Variants in ZFP64 observed in about 807,000 individuals in gnomAD.
ZFP64 encodes the protein zinc finger protein 64.
Under a neutral mutation model 51.6 loss-of-function variants are expected in ZFP64, and 14 were observed. The ratio of observed to expected loss-of-function variants is 0.27; its 90% CI spans 0.18 to 0.42. The LOEUF (loss-of-function observed/expected upper bound fraction) is 0.42. Ranked by LOEUF, ZFP64 falls within the 10% of genes least tolerant of loss-of-function variation. The pLI is 1.00. For missense variants in ZFP64, 754 were observed against 906.8 expected (o/e 0.83, Z 2.16); for synonymous variants, 375 against 361.4 (o/e 1.04, Z -0.43).
At chr20:52,185,572 C>T (rs1983900934) in intron 2 of ZFP64, among the ~76,000 whole-genome samples, 1 of 137,868 alleles carries the variant, frequency 7.3e-6, no homozygotes, top group Non-Finnish European at 1.5e-5. Context: ...GACCTTTCCA[C>T]TTTGCACTTT....
intron 5 of ZFP64, among the ~76,000 whole-genome samples, chr20:52,154,988 G>T (rs1981186421): frequency 6.6e-6 from 1 of 152,054 alleles, no homozygotes; most frequent in Non-Finnish European, 1.5e-5. Flanking sequence ...TGGCAGTTTA[G>T]TGAAGTCCAT....
intron 7 of ZFP64, among the ~76,000 whole-genome samples, chr20:52,091,930 C>A (rs1405712103): frequency 1.3e-5 from 2 of 151,690 alleles, no homozygotes; most frequent in Non-Finnish European, 2.9e-5. Context: ...GTGGAGGTTG[C>A]GGTGAGCCAA....
At chr20:52,087,510 C>G (rs1217208822) in intron 8 of ZFP64, among the ~76,000 whole-genome samples, 1 of 152,214 alleles carries the variant, frequency 6.6e-6, no homozygotes, top group Non-Finnish European at 1.5e-5. Flanking sequence ...GAAAATTACC[C>G]AAGTACTCTT....
At position 52,097,088 on chromosome 20, in the gene ZFP64, T is replaced by C. The variant is rs750594961; in HGVS notation, c.976+285A>G. 3 of 718,374 alleles carry C rather than the reference T, an allele frequency of 4.2e-6. No individual in the cohort carries two copies. In the Admixed American group the frequency reaches 5.3e-5, roughly 13 times the overall value. 44.5% of individuals were successfully genotyped at this position (718,374 alleles called of 1,614,324 possible). A position where few individuals can be genotyped will look rare whatever the true frequency, so the allele number is the denominator to read the frequency against. On this transcript the variant is annotated intron_variant, in intron 7 of 8. Transcript: ENST00000361387. Reference sequence around the variant, plus strand: ...ACTCCTTTGCTTCAGCAGGTCTTATTTCTCTTCTCAGCAGCTGGCTGCCCT... The same window carrying C: ...ACTCCTTTGCTTCAGCAGGTCTTATCTCTCTTCTCAGCAGCTGGCTGCCCT...
intron 5 of ZFP64, among the ~76,000 whole-genome samples, chr20:52,136,558 G>T (rs1271478561): frequency 6.6e-6 from 1 of 152,086 alleles, no homozygotes; most frequent in Non-Finnish European, 1.5e-5. Flanking sequence ...AAAAGAATTT[G>T]ACACATAACT....
At chr20:52,171,680 G>A (rs1982744264) in intron 2 of ZFP64, among the ~76,000 whole-genome samples, 1 of 150,994 alleles carries the variant, frequency 6.6e-6, no homozygotes. Context: ...AGTAGAGACA[G>A]AGTTTCACCA....
rs763984359 is a variant in ZFP64, at chr20:52,151,474, G to T, written c.*672C>A. ...CCAGAATGGGGCAAAAGAGAGGCTG[G>T]GAAGTACCATTTACTACACAAATGT... On this transcript the variant is annotated 3_prime_UTR_variant, in exon 6 of 6. Coordinates refer to ENST00000216923, the MANE Select transcript of ZFP64 (RefSeq NM_018197.3). The T allele has an allele frequency of 2.0e-6, 2 of 985,308 alleles. No homozygotes were observed. Among genetic ancestry groups the T allele is most frequent in the African/African-American group, 3.5e-5 (2 of 57,292 alleles). 61.0% of individuals were successfully genotyped at this position (985,308 alleles called of 1,614,324 possible).
chr20:52,149,879 A>G (rs1980703125), downstream of ZFP64, among the ~76,000 whole-genome samples: 1 of 152,170 alleles, frequency 6.6e-6, no homozygotes, highest in Non-Finnish European at 1.5e-5. Context: ...CAACTTCATA[A>G]CTGGAGTAGA....
chr20:52,148,012 G>A (rs1439158808), downstream of ZFP64, among the ~76,000 whole-genome samples: 1 of 152,148 alleles, frequency 6.6e-6, no homozygotes, highest in African/African-American at 2.4e-5. Context: ...TTGTGCTTTT[G>A]ATAAGTTCAT....
In ZFP64 at chr20:52,191,624, T is replaced by A; in HGVS notation, c.13A>T (p.Ser5Cys). MNAS[S>C]EGESFAGSVQ... The stretch of plus-strand genomic sequence containing the variant: ...GAGCCCGCGAAGCTCTCGCCCTCGC[T>A]GCTCGCGTTCATGGCCGCAGACTGG... Residue 5 changes from serine (S) to cysteine (C), a missense_variant, in exon 1 of 6, where the codon AGC becomes TGC. This residue lies in a region of ZFP64 where 95 missense variants were observed against 97.7 expected (regional missense o/e 0.97). Transcript: ENST00000216923. This position sits in a 1 kb window ranked among gnomAD's most constrained non-coding sequence, Gnocchi z 4.3. The A allele has an allele frequency of 2.5e-6, 4 of 1,589,588 alleles. No individual in the cohort carries two copies. Among genetic ancestry groups the A allele is most frequent in the Non-Finnish European group, 3.4e-6 (4 of 1,170,694 alleles).
rs1235727889 is a variant in ZFP64 at position 52,178,331 on chromosome 20, GTC to G, written c.286+8499_286+8500del. Among the ~76,000 whole-genome samples, 30 of 152,308 alleles carry G rather than the reference GTC, an allele frequency of 2.0e-4. 1 individual carries two copies. Among genetic ancestry groups the G allele is most frequent in the Admixed American group, 1.1e-3 (17 of 15,288 alleles). On this transcript the variant is annotated intron_variant, in intron 2 of 5. Coordinates refer to ENST00000216923, the MANE Select transcript of ZFP64 (RefSeq NM_018197.3). ...TTGAGACCCGGTTCTGCCACTTTCT[GTC>G]ATCTGGACAAGTTATTTAACCCCTC...
chr20:52,099,047 C>A (rs528672469), intron 5 of ZFP64, among the ~76,000 whole-genome samples: 1 of 150,230 alleles, frequency 6.7e-6, no homozygotes, highest in East Asian at 2.0e-4. Flanking sequence ...CTCTGTCTTG[C>A]AAAAGTCCTC....
At chr20:52,122,503 C>CAAAAA (rs71192596) in intron 5 of ZFP64, among the ~76,000 whole-genome samples, 1 of 91,134 alleles carries the variant, frequency 1.1e-5, no homozygotes. Context: ...GACTCCGTCT[C>CAAAAA]AAAAAAAAAA....
intron 5 of ZFP64, among the ~76,000 whole-genome samples, chr20:52,130,854 T>G (rs1339269864): frequency 6.6e-6 from 1 of 152,052 alleles, no homozygotes; most frequent in Non-Finnish European, 1.5e-5. Flanking sequence ...GGCGGGTAGA[T>G]CACGAGCTCA....
chr20:52,167,621 T>C (rs1461039491), intron 2 of ZFP64, among the ~76,000 whole-genome samples: 1 of 151,724 alleles, frequency 6.6e-6, no homozygotes, highest in Non-Finnish European at 1.5e-5. Flanking sequence ...TCTTAGAATG[T>C]ACTTTGTCAT....
In ZFP64 at chr20:52,191,686, C is replaced by A; in HGVS notation, c.-50G>T. ...CCGGCCGGGATGCCAAAGTGGGGGA[C>A]GCTGATCTACATGGTGCAAGGACTT... On this transcript the variant is annotated 5_prime_UTR_variant, in exon 1 of 6. Coordinates refer to ENST00000216923, the MANE Select transcript of ZFP64 (RefSeq NM_018197.3). The surrounding 1 kb of genome is among the most constrained non-coding windows in gnomAD (Gnocchi z 4.3). The A allele has an allele frequency of 6.4e-7, 1 of 1,555,320 alleles. No individual in the cohort carries two copies. Among genetic ancestry groups the A allele is most frequent in the Admixed American group, 1.9e-5 (1 of 52,840 alleles).
chr20:52,098,114 A>G (rs1294745245), intron 6 of ZFP64, among the ~76,000 whole-genome samples: 1 of 145,590 alleles, frequency 6.9e-6, no homozygotes, highest in Non-Finnish European at 1.5e-5. Flanking sequence ...CGGAGGTTGC[A>G]GTGAGCCGAG....
At chr20:52,171,821 C>T (rs1419402021) in intron 2 of ZFP64, among the ~76,000 whole-genome samples, 4 of 151,058 alleles carry the variant, frequency 2.6e-5, no homozygotes, top group Non-Finnish European at 5.9e-5. Context: ...GATCTCGGCT[C>T]ATTGCAATCT....
intron 5 of ZFP64, among the ~76,000 whole-genome samples, chr20:52,123,466 C>T (rs1000206153): frequency 6.6e-6 from 1 of 152,194 alleles, no homozygotes; most frequent in South Asian, 2.1e-4. Flanking sequence ...CCCCAACATT[C>T]AGCAACCACT....
Sources: allele counts gnomAD v4.1 joint callset (sites outside exome capture counted in the v4.1 genomes callset), GRCh38; gene constraint gnomAD v4.1.1; regional missense constraint gnomAD v4.1.1; non-coding constraint Gnocchi (gnomAD v3.1); transcripts MANE v1.5; gene names NCBI Gene and HGNC (gene_info 2026-07-23, HGNC 2026-07-21).